Variants in GRAMD1B observed in about 807,000 individuals in gnomAD.
GRAMD1B encodes GRAM domain containing 1B.
In GRAMD1B, 37 loss-of-function variants were observed where a neutral mutation model predicts 99.7. That is an observed-to-expected ratio of 0.37 (90% CI 0.29 to 0.49). The LOEUF is 0.49. Among genes scored for constraint, GRAMD1B ranks in the 20% least tolerant of loss-of-function variants. GRAMD1B has a pLI of 0.98. For missense variants in GRAMD1B, 888 were observed against 1,009.2 expected (o/e 0.88, Z 1.63); for synonymous variants, 427 against 387.6 (o/e 1.10, Z -1.19).
chr11:123,358,859 G>C (rs956383681), intron 1 of GRAMD1B: 10 of 152,400 alleles, frequency 6.6e-5, no homozygotes, highest in African/African-American at 2.4e-4. Flanking sequence ...CCGAGTGATG[G>C]TGAGGGATCC....
intron 1 of GRAMD1B, among the ~76,000 whole-genome samples, chr11:123,362,870 T>C (rs1946191765): frequency 6.6e-6 from 1 of 151,748 alleles, no homozygotes; most frequent in Admixed American, 6.6e-5. Context: ...AGGGCAGCCC[T>C]GGTGAGGGTG....
intron 2 of GRAMD1B, among the ~76,000 whole-genome samples, chr11:123,532,724 G>A (rs1943528042): frequency 6.6e-6 from 1 of 152,204 alleles, no homozygotes; most frequent in South Asian, 2.1e-4. Flanking sequence ...TTAAATGGTT[G>A]AAGAAATTAA....
chr11:123,449,714 C>CTTTTTTTTTTTTTTTTTTTTTTT lies in GRAMD1B; in HGVS notation c.374+18565_374+18566insTTTTTTTTTTTTTTTTTTTTTTT, dbSNP rs767104181. ...TGCAGATGCATGCCACCATGCCTGG[C>CTTTTTTTTTTTTTTTTTTTTTTT]TTTTTTTTTTTTTTTTTGAGACAGG... is the stretch of plus-strand genomic sequence containing the variant. On this transcript the variant is annotated intron_variant, in intron 1 of 19. Transcript: ENST00000635736. Among the ~76,000 whole-genome samples, 119 of 99,958 alleles carry CTTTTTTTTTTTTTTTTTTTTTTT rather than the reference C, an allele frequency of 1.2e-3. 9 individuals carry two copies. Among genetic ancestry groups the CTTTTTTTTTTTTTTTTTTTTTTT allele is most frequent in the Non-Finnish European group, 2.0e-3 (96 of 48,582 alleles). The allele number at this position is 99,958 out of a possible 152,430, so 65.6% of individuals were successfully genotyped here. A position where few individuals can be genotyped will look rare whatever the true frequency, so the allele number is the denominator to read the frequency against.
chr11:123,612,894 G>T, intron 15 of GRAMD1B, 30 bp downstream of exon 15: 1 of 1,300,398 alleles, frequency 7.7e-7, no homozygotes, highest in Non-Finnish European at 1.1e-6. Flanking sequence ...CTGCTAGCTG[G>T]GCTGCAGAGA....
Position 123,542,859 on chromosome 11 carries a change from G to T in GRAMD1B, c.453-34508G>T, listed in dbSNP as rs575750130. ...AGTAAAGACGGGGTTTCACCATGTTGCCCAGGCTGGTCTTGAACTCCTGAC... is the reference window on the plus strand; with the variant it reads ...AGTAAAGACGGGGTTTCACCATGTTTCCCAGGCTGGTCTTGAACTCCTGAC... On this transcript the variant is annotated intron_variant, in intron 2 of 19. Coordinates refer to ENST00000635736, the MANE Select transcript of GRAMD1B (RefSeq NM_001387025.1). Among the ~76,000 whole-genome samples, 3 of 152,234 alleles carry T rather than the reference G, an allele frequency of 2.0e-5. No homozygotes were observed. In the East Asian group the frequency reaches 5.8e-4, roughly 29 times the overall value.
At chr11:123,607,022 A>G (rs1952837769) in intron 11 of GRAMD1B, among the ~76,000 whole-genome samples, 1 of 152,134 alleles carries the variant, frequency 6.6e-6, no homozygotes, top group Non-Finnish European at 1.5e-5. Flanking sequence ...TAGTCTTGTC[A>G]CTAAATGTTC....
At chr11:123,516,613 C>T (rs549045830) in intron 2 of GRAMD1B, among the ~76,000 whole-genome samples, 1 of 152,210 alleles carries the variant, frequency 6.6e-6, no homozygotes, top group South Asian at 2.1e-4. Context: ...AGAAATATCA[C>T]AGACAGACTT....
At chr11:123,509,126 A>T (rs773115089) in intron 2 of GRAMD1B, among the ~76,000 whole-genome samples, 29 of 152,076 alleles carry the variant, frequency 1.9e-4, no homozygotes, top group Non-Finnish European at 3.4e-4. Flanking sequence ...TTCTCTGAGG[A>T]TCTCACCATT....
At chr11:123,541,379 C>G (rs1015174682) in intron 2 of GRAMD1B, among the ~76,000 whole-genome samples, 2 of 152,178 alleles carry the variant, frequency 1.3e-5, no homozygotes, top group African/African-American at 2.4e-5. Context: ...GCTTCCTCCC[C>G]GTGTCCTTCC....
intron 1 of GRAMD1B, among the ~76,000 whole-genome samples, chr11:123,384,965 A>C (rs565920073): frequency 6.6e-6 from 1 of 152,380 alleles, no homozygotes; most frequent in African/African-American, 2.4e-5. Flanking sequence ...AAAAACACAC[A>C]TCCCACGGGT....
rs556559463 is a variant in GRAMD1B, at chr11:123,439,131, G to A, written c.374+7965G>A. Among the ~76,000 whole-genome samples the A allele has an allele frequency of 2.6e-5, 4 of 152,316 alleles. No homozygotes were observed. The East Asian group carries it at 7.7e-4, about 29-fold the overall frequency. Reference sequence around the variant, plus strand: ...ACATAGCTTCTTATTGTCTTGGGGGGTGGGAATCTATGAGCTCTTCTCCTG... The same window carrying A: ...ACATAGCTTCTTATTGTCTTGGGGGATGGGAATCTATGAGCTCTTCTCCTG... On this transcript the variant is annotated intron_variant, in intron 1 of 19. Transcript: ENST00000635736.
intron 1 of GRAMD1B, among the ~76,000 whole-genome samples, chr11:123,369,581 A>G (rs1946450119): frequency 6.6e-6 from 1 of 151,984 alleles, no homozygotes; most frequent in Admixed American, 6.6e-5. Context: ...TTAAAACCCT[A>G]TAAAGTGTGG....
chr11:123,425,247 A>C (rs1014103274), intron 1 of GRAMD1B, among the ~76,000 whole-genome samples: 2 of 152,234 alleles, frequency 1.3e-5, no homozygotes, highest in African/African-American at 2.4e-5. Context: ...GGTAGTTAGT[A>C]TAAGCTGATG....
chr11:123,515,874 C>T (rs1941623767), intron 2 of GRAMD1B, among the ~76,000 whole-genome samples: 1 of 151,968 alleles, frequency 6.6e-6, no homozygotes, highest in African/African-American at 2.4e-5. Context: ...CTCCAGCAAT[C>T]CTCCTGCCTC....
At chr11:123,571,999 T>TA (rs1432739968) in intron 2 of GRAMD1B, among the ~76,000 whole-genome samples, 30 of 152,230 alleles carry the variant, frequency 2.0e-4, no homozygotes, top group Non-Finnish European at 2.2e-4. Flanking sequence ...AATAGGCCTC[T>TA]AGCTCTTCCT....
chr11:123,366,281 C>T (rs1438131457), intron 1 of GRAMD1B, among the ~76,000 whole-genome samples: 2 of 152,220 alleles, frequency 1.3e-5, no homozygotes, highest in African/African-American at 2.4e-5. Flanking sequence ...TGTCGAAAAG[C>T]AGGAACAAGT....
intron 3 of GRAMD1B, among the ~76,000 whole-genome samples, chr11:123,579,538 G>A: frequency 6.6e-6 from 1 of 152,206 alleles, no homozygotes. Context: ...CTCGGCAGGT[G>A]CAGGCATATC....
intron 1 of GRAMD1B, among the ~76,000 whole-genome samples, chr11:123,476,427 A>G (rs1450292119): frequency 6.6e-6 from 1 of 152,198 alleles, no homozygotes; most frequent in African/African-American, 2.4e-5. Context: ...GACTGTTGAA[A>G]AACAAGCTCA....
At chr11:123,597,920 A>G (rs1951483836) in intron 7 of GRAMD1B, 12 of 1,032,334 alleles carry the variant, frequency 1.2e-5, no homozygotes, top group South Asian at 1.1e-4. Flanking sequence ...GCTAGCCCCA[A>G]AGCTGAGCTA....
Sources: allele counts gnomAD v4.1 joint callset (sites outside exome capture counted in the v4.1 genomes callset), GRCh38; gene constraint gnomAD v4.1.1; transcripts MANE v1.5; gene names NCBI Gene and HGNC (gene_info 2026-07-23, HGNC 2026-07-21).